Variants in ZBTB20 observed in about 807,000 individuals in gnomAD.
ZBTB20 encodes zinc finger and BTB domain-containing protein 20.
In ZBTB20, 9 loss-of-function variants were observed where a neutral mutation model predicts 56.9. The ratio of observed to expected loss-of-function variants is 0.16; its 90% CI spans 0.10 to 0.28. The LOEUF (loss-of-function observed/expected upper bound fraction) is 0.28. Among genes scored for constraint, ZBTB20 ranks in the 10% least tolerant of loss-of-function variants. ZBTB20 has a pLI of 1.00. For synonymous variants in ZBTB20, 417 were observed against 420.7 expected (o/e 0.99, Z 0.11); for missense variants, 655 against 1,003.0 (o/e 0.65, Z 4.69).
At chr3:114,746,836 C>T (rs1453611434) in intron 5 of ZBTB20, among the ~76,000 whole-genome samples, 1 of 152,070 alleles carries the variant, frequency 6.6e-6, no homozygotes, top group Non-Finnish European at 1.5e-5. Context: ...TAGATTGAGC[C>T]ATGTGCAGTT....
intron 6 of ZBTB20, among the ~76,000 whole-genome samples, chr3:114,595,905 T>C (rs973172376): frequency 9.2e-5 from 14 of 152,236 alleles, no homozygotes; most frequent in Non-Finnish European, 2.1e-4. Flanking sequence ...AAGTCCAATA[T>C]GCTATCATCT....
At chr3:114,457,610 CATA>C (rs1268169865) in intron 7 of ZBTB20, among the ~76,000 whole-genome samples, 10 of 152,086 alleles carry the variant, frequency 6.6e-5, no homozygotes, top group African/African-American at 1.2e-4. Flanking sequence ...TTTCCTGGCT[CATA>C]ATAATAATGA....
intron 6 of ZBTB20, among the ~76,000 whole-genome samples, chr3:114,584,789 C>T (rs778761074): frequency 6.6e-6 from 1 of 152,164 alleles, no homozygotes; most frequent in Non-Finnish European, 1.5e-5. Context: ...GTACCTGGGG[C>T]ACCAGCCAGA....
chr3:114,512,975 G>A (rs961536831), intron 6 of ZBTB20, among the ~76,000 whole-genome samples: 2 of 152,024 alleles, frequency 1.3e-5, no homozygotes, highest in African/African-American at 4.8e-5. Context: ...CATATTTCTG[G>A]TCCCTATATT....
At chr3:114,422,329 G>A (rs997760981) in intron 7 of ZBTB20, among the ~76,000 whole-genome samples, 2 of 152,060 alleles carry the variant, frequency 1.3e-5, no homozygotes, top group Non-Finnish European at 2.9e-5. Flanking sequence ...CACTTCTCTT[G>A]TGTCAAAGAT....
chr3:114,962,294 A>C (rs1247185290), intron 3 of ZBTB20, among the ~76,000 whole-genome samples: 1 of 152,246 alleles, frequency 6.6e-6, no homozygotes, highest in East Asian at 1.9e-4. Flanking sequence ...AACCATACAC[A>C]AAATTGTATA....
rs548679820 is a variant in ZBTB20, at chr3:114,498,263, G to C, written c.-255+2089C>G. Among the ~76,000 whole-genome samples, 26 of 152,242 alleles carry C rather than the reference G, an allele frequency of 1.7e-4. No individual in the cohort carries two copies. The South Asian group carries it at 5.4e-3, about 32-fold the overall frequency. On this transcript the variant is annotated intron_variant, in intron 7 of 11. Coordinates refer to ENST00000675478, the MANE Select transcript of ZBTB20 (RefSeq NM_001348800.3). ...GTAATGGAATGGGAAATTCTTGGGG[G>C]AACATCTGAGAGCTCTTCAGTTCCT...
At chr3:114,453,932 C>T (rs957535453) in intron 7 of ZBTB20, among the ~76,000 whole-genome samples, 1 of 124,682 alleles carries the variant, frequency 8.0e-6, no homozygotes, top group Non-Finnish European at 1.7e-5. Flanking sequence ...CCCCCCCCCC[C>T]CACCCTTCCC....
chr3:114,546,352 A>G (rs12495335), intron 6 of ZBTB20, among the ~76,000 whole-genome samples: 10,438 of 152,086 alleles, frequency 0.069, 644 homozygotes, highest in African/African-American at 0.16. Context: ...CTGGCCCACT[A>G]CCTCTGAAAA....
At chr3:114,573,606 AAAG>A (rs2053685421) in intron 6 of ZBTB20, among the ~76,000 whole-genome samples, 2 of 152,018 alleles carry the variant, frequency 1.3e-5, no homozygotes, top group African/African-American at 4.8e-5. Flanking sequence ...AAAGAAAAGA[AAAG>A]AAAAAAATGA....
chr3:114,923,907 AAAG>A (rs1407850004), intron 3 of ZBTB20, among the ~76,000 whole-genome samples: 1 of 152,196 alleles, frequency 6.6e-6, no homozygotes, highest in African/African-American at 2.4e-5. Flanking sequence ...AAAATAGGAA[AAAG>A]GCCTGAATAG....
chr3:114,920,952 T>A (rs1354425673), intron 3 of ZBTB20, among the ~76,000 whole-genome samples: 1 of 152,114 alleles, frequency 6.6e-6, no homozygotes, highest in African/African-American at 2.4e-5. Flanking sequence ...AAAGACTACA[T>A]TAAACAATTA....
chr3:115,114,913 CTG>C (rs2083977565), intron 1 of ZBTB20, among the ~76,000 whole-genome samples: 2 of 152,090 alleles, frequency 1.3e-5, no homozygotes, highest in Non-Finnish European at 2.9e-5. Flanking sequence ...CCTTGTCATT[CTG>C]TAAAAGAAAA....
Position 114,622,927 on chromosome 3 carries a change from C to T in ZBTB20, c.-295+70601G>A, listed in dbSNP as rs570096276. On this transcript the variant is annotated intron_variant, in intron 6 of 11. Coordinates refer to ENST00000675478, the MANE Select transcript of ZBTB20 (RefSeq NM_001348800.3). ...GCTGGGTTGTGATTCCTGGAAGTTT[C>T]AGCCTATGAGAACCATATTGGCGAC... Among the ~76,000 whole-genome samples the T allele has an allele frequency of 2.6e-5, 4 of 152,330 alleles. No individual in the cohort carries two copies. In the South Asian group the frequency reaches 6.2e-4, roughly 24 times the overall value.
rs2078978038 is a variant in ZBTB20 at position 114,323,859 on chromosome 3, C to A, written c.*15146G>T. Reference sequence around the variant, plus strand: ...CTGCATTTTAGTGATGCTCCTACTTCCATAATTTGCCTTTTTCTTTCCCAT... The same window carrying A: ...CTGCATTTTAGTGATGCTCCTACTTACATAATTTGCCTTTTTCTTTCCCAT... On this transcript the variant is annotated 3_prime_UTR_variant, in exon 12 of 12. Transcript: ENST00000675478. The A allele has an allele frequency of 6.6e-6, 1 of 152,134 alleles. No homozygotes were observed. Among genetic ancestry groups the A allele is most frequent in the African/African-American group, 2.4e-5 (1 of 41,416 alleles). The allele number at this position is 152,134 out of a possible 1,614,324, so 9.4% of individuals were successfully genotyped here.
chr3:114,901,384 TA>T (rs1218531089), intron 3 of ZBTB20, among the ~76,000 whole-genome samples: 2 of 152,174 alleles, frequency 1.3e-5, no homozygotes, highest in African/African-American at 2.4e-5. Context: ...TAATACTGCT[TA>T]AAAGTATATA....
rs138573769 is a variant in ZBTB20 at position 114,713,034 on chromosome 3, A to G, written c.-342-19459T>C. Among the ~76,000 whole-genome samples the G allele has an allele frequency of 9.2e-5, 14 of 152,326 alleles. No homozygotes were observed. In the East Asian group the frequency reaches 2.7e-3, roughly 29 times the overall value. On this transcript the variant is annotated intron_variant, in intron 5 of 11. Transcript: ENST00000675478. ...GTACATGTAGAATATATGATAGATA[A>G]CTAGGCATTACTAGGTTATAAGATG...
rs1037161016 is a variant in ZBTB20 at position 114,332,050 on chromosome 3, C to A, written c.*6955G>T. 1 of 148,966 alleles carries A rather than the reference C, an allele frequency of 6.7e-6. No homozygotes were observed. Among genetic ancestry groups the A allele is most frequent in the East Asian group, 1.9e-4 (1 of 5,158 alleles). 9.2% of individuals were successfully genotyped at this position (148,966 alleles called of 1,614,324 possible). A position where few individuals can be genotyped will look rare whatever the true frequency, so the allele number is the denominator to read the frequency against. On this transcript the variant is annotated 3_prime_UTR_variant, in exon 12 of 12. Coordinates refer to ENST00000675478, the MANE Select transcript of ZBTB20 (RefSeq NM_001348800.3). ...GTTGCAACACTAGTAGAAACAGATGCCCCCAAGGTTTTTTTTTTTTTTTTT... is the reference window on the plus strand; with the variant it reads ...GTTGCAACACTAGTAGAAACAGATGACCCCAAGGTTTTTTTTTTTTTTTTT...
At chr3:114,819,038 A>G (rs1454661678) in intron 4 of ZBTB20, among the ~76,000 whole-genome samples, 1 of 152,006 alleles carries the variant, frequency 6.6e-6, no homozygotes, top group African/African-American at 2.4e-5. Flanking sequence ...CAGTGGGTTT[A>G]TCAGAATGGA....
Sources: allele counts gnomAD v4.1 joint callset (sites outside exome capture counted in the v4.1 genomes callset), GRCh38; gene constraint gnomAD v4.1.1; transcripts MANE v1.5; gene names NCBI Gene and HGNC (gene_info 2026-07-23, HGNC 2026-07-21).